Variants in IFT52 observed in about 807,000 individuals in gnomAD.
IFT52 encodes the protein intraflagellar transport protein 52 homolog.
IFT52 carries 44 observed loss-of-function variants against 54.4 expected under a neutral mutation model. The ratio of observed to expected loss-of-function variants is 0.81; its 90% CI spans 0.63 to 1.04. IFT52 has a LOEUF of 1.04. Among genes scored for constraint, IFT52 ranks in the 50% least tolerant of loss-of-function variants. IFT52 has a pLI of 0.00. For missense variants in IFT52, 452 were observed against 523.6 expected (o/e 0.86, Z 1.33); for synonymous variants, 181 against 185.3 (o/e 0.98, Z 0.19).
chr20:43,647,135 G>T lies in IFT52; in HGVS notation c.*152G>T, dbSNP rs1162909048. On this transcript the variant is annotated 3_prime_UTR_variant, in exon 14 of 14. Transcript: ENST00000373030. Reference sequence around the variant, plus strand: ...TGCATCTTCTGTAATACTCAGATAGGTATAAGATTTTTCACAAAATCCTTA... The same window carrying T: ...TGCATCTTCTGTAATACTCAGATAGTTATAAGATTTTTCACAAAATCCTTA... 5.8e-5 allele frequency: 38 copies of T among 652,262 alleles called. No homozygotes were observed. In the East Asian group the frequency reaches 9.9e-4, roughly 17 times the overall value. 40.4% of individuals were successfully genotyped at this position (652,262 alleles called of 1,614,324 possible).
At chr20:43,595,453 G>A (rs1981874877) in intron 2 of IFT52, among the ~76,000 whole-genome samples, 1 of 151,842 alleles carries the variant, frequency 6.6e-6, no homozygotes, top group South Asian at 2.1e-4. Flanking sequence ...GGAGGCTGAG[G>A]CAGGAGAATC....
At chr20:43,639,379 C>CA (rs140495883) in intron 12 of IFT52, among the ~76,000 whole-genome samples, 4,555 of 150,822 alleles carry the variant, frequency 0.03, 232 homozygotes, top group African/African-American at 0.094. Context: ...CTCAAAAAAA[C>CA]AAAAAAAAAG....
At position 43,592,040 on chromosome 20, in the gene IFT52, A is replaced by G. The variant is rs4812723; in HGVS notation, c.-7+986A>G. 7.1e-3 allele frequency among the ~76,000 whole-genome samples: 1,082 copies of G among 152,310 alleles called. 38 individuals carry two copies. Among genetic ancestry groups the G allele is most frequent in the Admixed American group, 0.063 (958 of 15,286 alleles). On this transcript the variant is annotated intron_variant, in intron 1 of 13. Transcript: ENST00000373030. ...TTGAAGAGATGAATTGGGGTCAGGC[A>G]GCTTTTTTAGCAATTTAGAAAATAA...
intron 6 of IFT52, among the ~76,000 whole-genome samples, chr20:43,613,584 C>T (rs960998010): frequency 6.6e-6 from 1 of 152,160 alleles, no homozygotes; most frequent in African/African-American, 2.4e-5. Flanking sequence ...GAGTTCAAGA[C>T]CAGCCTGGTC....
chr20:43,616,431 C>T (rs1290674703), intron 7 of IFT52, among the ~76,000 whole-genome samples: 1 of 151,448 alleles, frequency 6.6e-6, no homozygotes, highest in African/African-American at 2.4e-5. Context: ...ATCACTTGAA[C>T]CCTGGAAGCG....
chr20:43,592,201 C>T (rs1474559363), intron 1 of IFT52, among the ~76,000 whole-genome samples: 2 of 152,046 alleles, frequency 1.3e-5, no homozygotes, highest in Non-Finnish European at 2.9e-5. Flanking sequence ...CTATGGCGCG[C>T]GCCTGTAATC....
intron 10 of IFT52, among the ~76,000 whole-genome samples, chr20:43,631,446 T>C (rs201341471): frequency 1.4e-3 from 211 of 152,324 alleles, no homozygotes; most frequent in African/African-American, 4.8e-3. Flanking sequence ...GTCACAGACC[T>C]CACTCATAGA....
At chr20:43,646,505 T>C (rs1986209990) in intron 13 of IFT52, among the ~76,000 whole-genome samples, 1 of 152,116 alleles carries the variant, frequency 6.6e-6, no homozygotes, top group Non-Finnish European at 1.5e-5. Flanking sequence ...GACAGAAGTG[T>C]ATTGGCAGTT....
At chr20:43,613,769 C>T (rs933656548) in intron 6 of IFT52, 81 bp from the exon 7 acceptor site, 5 of 1,380,110 alleles carry the variant, frequency 3.6e-6, no homozygotes, top group Admixed American at 3.5e-5. Flanking sequence ...AAGAGTGTTA[C>T]TCAAGAAACA....
intron 6 of IFT52, among the ~76,000 whole-genome samples, chr20:43,607,216 ACCCCCCCACCTCCCTCCCGGACGGGGCG>A (rs1982980484): frequency 4.5e-4 from 54 of 119,134 alleles, no homozygotes; most frequent in African/African-American, 1.9e-3. Context: ...CGGGGGGCTG[ACCCCCCCACCTCCCTCCCGGACGGGGCG>A]GCTGGCCGGG....
chr20:43,599,125 A>C (rs779623678), intron 3 of IFT52, among the ~76,000 whole-genome samples: 2 of 152,008 alleles, frequency 1.3e-5, no homozygotes, highest in African/African-American at 2.4e-5. Context: ...GTAACCAGCA[A>C]CTCCTACCCA....
rs1302559816 is a variant in IFT52, at chr20:43,635,992, G to GC, written c.991dup (p.Leu331ProfsTer25). On this transcript the variant is annotated frameshift_variant, in exon 11 of 14. Transcript: ENST00000373030. LOFTEE classifies it high-confidence loss of function. ...TCATCCAGCCTCAGTTTGAGACGCC[G>GC]CTGCCAACCCTTCAGCCTGCGGTGA... 1.9e-6 allele frequency: 3 copies of GC among 1,614,116 alleles called. No homozygotes were observed. Among genetic ancestry groups the GC allele is most frequent in the Non-Finnish European group, 2.5e-6 (3 of 1,180,000 alleles).
intron 1 of IFT52, among the ~76,000 whole-genome samples, chr20:43,593,072 C>T (rs759286074): frequency 3.3e-5 from 5 of 152,030 alleles, no homozygotes; most frequent in Non-Finnish European, 7.3e-5. Context: ...GCACTCCCAG[C>T]CTGGGTCACA....
At chr20:43,595,535 G>A (rs896295800) in intron 2 of IFT52, among the ~76,000 whole-genome samples, 2 of 151,950 alleles carry the variant, frequency 1.3e-5, no homozygotes, top group African/African-American at 2.4e-5. Context: ...GTGACAGAGC[G>A]AGACTCTGTC....
At chr20:43,606,082 G>A (rs1489121267) in intron 6 of IFT52, among the ~76,000 whole-genome samples, 6 of 151,942 alleles carry the variant, frequency 3.9e-5, no homozygotes, top group South Asian at 4.2e-4. Flanking sequence ...TTAGCTGTGC[G>A]TGGTAGTGGG....
rs1600512969 is a variant in IFT52 at position 43,636,155 on chromosome 20, T to C, written c.1011+142T>C. The C allele has an allele frequency of 7.0e-6, 5 of 709,364 alleles. No individual in the cohort carries two copies. The East Asian group carries it at 1.4e-4, about 19-fold the overall frequency. The allele number at this position is 709,364 out of a possible 1,614,324, so 43.9% of individuals were successfully genotyped here. On this transcript the variant is annotated intron_variant, in intron 11 of 13. Coordinates refer to ENST00000373030, the MANE Select transcript of IFT52 (RefSeq NM_016004.5). ...ATAGTGCTCTGTCTCTAAACATGCA[T>C]GGACACCAAATTTGTTAATGTTCTA...
intron 10 of IFT52, among the ~76,000 whole-genome samples, chr20:43,634,279 TA>T (rs1985376799): frequency 1.3e-5 from 2 of 152,136 alleles, no homozygotes; most frequent in East Asian, 3.9e-4. Flanking sequence ...TATTGATGCA[TA>T]TGAGTGATAT....
chr20:43,620,714 A>C, intron 8 of IFT52, 143 bp from the exon 9 acceptor site: 1 of 619,968 alleles, frequency 1.6e-6, no homozygotes, highest in East Asian at 2.8e-5. Flanking sequence ...GATTGCATCA[A>C]GACAAGGCTG....
At chr20:43,619,791 T>C (rs1167269151) in intron 8 of IFT52, among the ~76,000 whole-genome samples, 1 of 151,892 alleles carries the variant, frequency 6.6e-6, no homozygotes, top group African/African-American at 2.4e-5. Flanking sequence ...GTGATTCCAG[T>C]GAGAGAAAGA....
Sources: gnomAD v4.1 joint callset for allele counts (sites outside exome capture counted in the v4.1 genomes callset) on GRCh38, gnomAD v4.1.1 for gene constraint, MANE v1.5 for transcripts, NCBI Gene and HGNC (gene_info 2026-07-23, HGNC 2026-07-21) for gene names.